The following TET1 variants were observed in gnomAD, a reference collection of about 807,000 sequenced individuals.
TET1 encodes the protein tet methylcytosine dioxygenase 1.
A neutral mutation model predicts 148.7 loss-of-function variants in TET1; 13 were observed. That is an observed-to-expected ratio of 0.09 (90% CI 0.06 to 0.14). The LOEUF (loss-of-function observed/expected upper bound fraction) is 0.14. Ranked by LOEUF, TET1 falls within the 10% of genes least tolerant of loss-of-function variation. TET1 has a pLI of 1.00. For missense variants in TET1, 2,182 were observed against 2,553.8 expected (o/e 0.85, Z 3.14); for synonymous variants, 907 against 937.2 (o/e 0.97, Z 0.59).
At chr10:68,624,721 C>G (rs1025154423) in intron 3 of TET1, among the ~76,000 whole-genome samples, 3 of 133,438 alleles carry the variant, frequency 2.2e-5, no homozygotes, top group African/African-American at 8.5e-5. Flanking sequence ...TTCCTTCTTT[C>G]TTTCCTTCTT....
At chr10:68,595,823 G>T (rs1312425345) in intron 2 of TET1, among the ~76,000 whole-genome samples, 1 of 143,202 alleles carries the variant, frequency 7.0e-6, no homozygotes, top group African/African-American at 2.6e-5. Flanking sequence ...TCATCATGTT[G>T]GTCAGGCTTG....
chr10:68,667,730 C>T (rs2055213598), intron 7 of TET1, among the ~76,000 whole-genome samples: 1 of 146,144 alleles, frequency 6.8e-6, no homozygotes, highest in South Asian at 2.2e-4. Flanking sequence ...GGTGACAGAG[C>T]GAGACTCCAT....
At position 68,573,463 on chromosome 10, in the gene TET1, A is replaced by G. The variant is rs1280398054; in HGVS notation, c.1125A>G (p.Gln375=). 11 of 1,613,956 alleles carry G rather than the reference A, an allele frequency of 6.8e-6. No homozygotes were observed. Among genetic ancestry groups the G allele is most frequent in the South Asian group, 2.2e-5 (2 of 91,072 alleles). Reference sequence around the variant, plus strand: ...AGGCCTTTGGTGCTATCCCACATCAATGGGAACTTCCTGGTGCTGACCCAG... The same window carrying G: ...AGGCCTTTGGTGCTATCCCACATCAGTGGGAACTTCCTGGTGCTGACCCAG... The part of the protein sequence containing the change: ...LGQAFGAIPH[Q]WELPGADPVH... The change falls in exon 2 of 12, where the codon CAA becomes CAG. Residue 375 remains glutamine, a synonymous_variant. Transcript: ENST00000373644.
Position 68,691,063 on chromosome 10 carries a change from G to A in TET1, c.5660G>A (p.Arg1887Lys), listed in dbSNP as rs944896286. 6.2e-7 allele frequency: 1 copy of A among 1,614,230 alleles called. No individual in the cohort carries two copies. The highest frequency in any genetic ancestry group is 8.5e-7 in the Non-Finnish European group (1 of 1,180,038). ...CCCCACTGTACGATGCCTTCGGGAAGACTCAGTGGTGCCAATGCAGCTGCT... is the reference window on the plus strand; with the variant it reads ...CCCCACTGTACGATGCCTTCGGGAAAACTCAGTGGTGCCAATGCAGCTGCT... ...STPHCTMPSG[R>K]LSGANAAAAD... Residue 1887 changes from arginine to lysine, a missense_variant, in exon 12 of 12, where the codon AGA becomes AAA. Arg to Lys is a conservative substitution (Grantham distance 26). Around this residue, in one of 11 missense-constraint regions of TET1, gnomAD observed 380 missense variants for 387.9 expected, o/e 0.98. Coordinates refer to ENST00000373644, the MANE Select transcript of TET1 (RefSeq NM_030625.3). The surrounding 1 kb of genome is among the most constrained non-coding windows in gnomAD (Gnocchi z 4.4).
chr10:68,588,517 T>C (rs1293032050), intron 2 of TET1, among the ~76,000 whole-genome samples: 2 of 152,078 alleles, frequency 1.3e-5, no homozygotes, highest in Non-Finnish European at 2.9e-5. Context: ...GCTAAGGCAA[T>C]GAGGAAAATG....
At chr10:68,610,049 C>A (rs372990712) in intron 3 of TET1, among the ~76,000 whole-genome samples, 1 of 152,074 alleles carries the variant, frequency 6.6e-6, no homozygotes, top group Non-Finnish European at 1.5e-5. Flanking sequence ...TGTGGGAGGC[C>A]GAGACAGGAG....
chr10:68,624,658 T>TTCTTTC (rs1397280418), intron 3 of TET1, among the ~76,000 whole-genome samples: 8 of 95,276 alleles, frequency 8.4e-5, no homozygotes, highest in Non-Finnish European at 1.8e-4. Context: ...CTTTCTTTCT[T>TTCTTTC]TCTCTCTCTC....
Position 68,691,647 on chromosome 10 carries a change from G to C in TET1, c.6244G>C (p.Glu2082Gln). ...TAAGAATAAGAAAATGAAGGCCTCA[G>C]AGCAAAAAGACCAGGCAGCTAATGA... Reference protein sequence around the residue: ...EAKNKKMKASEQKDQAANEGP... With the variant: ...EAKNKKMKASQQKDQAANEGP... Residue 2082 changes from glutamate (E) to glutamine (Q), a missense_variant, in exon 12 of 12, where the codon GAG becomes CAG. Transcript: ENST00000373644. This position sits in a 1 kb window ranked among gnomAD's most constrained non-coding sequence, Gnocchi z 4.4. 1 of 1,614,164 alleles carries C rather than the reference G, an allele frequency of 6.2e-7. No homozygotes were observed. Among genetic ancestry groups the C allele is most frequent in the Non-Finnish European group, 8.5e-7 (1 of 1,180,024 alleles).
At chr10:68,601,118 A>G (rs1472999516) in intron 3 of TET1, 84 bp downstream of exon 3, 1 of 1,182,492 alleles carries the variant, frequency 8.5e-7, no homozygotes, top group East Asian at 2.5e-5. Flanking sequence ...TTTGGAGTAC[A>G]GTATATGTGA....
intron 3 of TET1, among the ~76,000 whole-genome samples, chr10:68,635,325 G>T (rs2054634946): frequency 6.6e-6 from 1 of 152,092 alleles, no homozygotes; most frequent in East Asian, 1.9e-4. Flanking sequence ...TGGGTCTGGT[G>T]TCTCACACCT....
At chr10:68,612,213 C>CTGACTAGCT (rs2054226795) in intron 3 of TET1, among the ~76,000 whole-genome samples, 1 of 151,982 alleles carries the variant, frequency 6.6e-6, no homozygotes, top group Non-Finnish European at 1.5e-5. Flanking sequence ...TCTCAGCCTC[C>CTGACTAGCT]TGACTAGCTG....
At chr10:68,638,773 G>T (rs1320044417) in intron 3 of TET1, among the ~76,000 whole-genome samples, 3 of 103,384 alleles carry the variant, frequency 2.9e-5, no homozygotes, top group Non-Finnish European at 5.6e-5. Flanking sequence ...GTTTGTGTGT[G>T]TGTGTGTGTG....
At chr10:68,682,054 A>C (rs528338779) in intron 9 of TET1, among the ~76,000 whole-genome samples, 41 of 150,092 alleles carry the variant, frequency 2.7e-4, no homozygotes, top group African/African-American at 1.0e-3. Context: ...ATATCTATCT[A>C]ACATACATTT....
chr10:68,582,351 C>T (rs987941381), intron 2 of TET1, among the ~76,000 whole-genome samples: 19 of 152,144 alleles, frequency 1.2e-4, no homozygotes, highest in Admixed American at 5.2e-4. Context: ...CCACCTCGTC[C>T]TCCCAAAGAG....
At chr10:68,661,492 G>A (rs973841633) in intron 6 of TET1, among the ~76,000 whole-genome samples, 1 of 151,222 alleles carries the variant, frequency 6.6e-6, no homozygotes, top group Non-Finnish European at 1.5e-5. Flanking sequence ...GTTAGGCTGT[G>A]AAAATTTTCT....
intron 3 of TET1, among the ~76,000 whole-genome samples, chr10:68,626,520 TTTTC>T (rs2054485276): frequency 6.6e-6 from 1 of 151,360 alleles, no homozygotes; most frequent in African/African-American, 2.4e-5. Context: ...ATTATTGTCT[TTTTC>T]TTTATTTTAA....
chr10:68,681,766 A>G (rs2055437065), intron 9 of TET1, among the ~76,000 whole-genome samples: 1 of 152,120 alleles, frequency 6.6e-6, no homozygotes, highest in East Asian at 1.9e-4. Flanking sequence ...CAGGAGTTCA[A>G]GAATAGCCTG....
chr10:68,611,632 A>T (rs2054211634), intron 3 of TET1, among the ~76,000 whole-genome samples: 1 of 150,732 alleles, frequency 6.6e-6, no homozygotes, highest in Admixed American at 6.7e-5. Context: ...AGCCTAGGCC[A>T]ATTGTCAGAG....
intron 1 of TET1, among the ~76,000 whole-genome samples, chr10:68,565,264 G>A (rs543077290): frequency 2.0e-5 from 3 of 152,092 alleles, no homozygotes; most frequent in East Asian, 3.9e-4. Flanking sequence ...ATGACTTGAA[G>A]CTAGGAGTTT....
Sources: gnomAD v4.1 joint callset for allele counts (sites outside exome capture counted in the v4.1 genomes callset) on GRCh38, gnomAD v4.1.1 for gene constraint, gnomAD v4.1.1 regional missense constraint, Gnocchi (gnomAD v3.1) non-coding constraint, MANE v1.5 for transcripts, NCBI Gene and HGNC (gene_info 2026-07-23, HGNC 2026-07-21) for gene names.